The following EPHA3 variants were observed in gnomAD, a reference collection of about 807,000 sequenced individuals.
The protein encoded by EPHA3 is ephrin type-A receptor 3.
Under a neutral mutation model 107.1 loss-of-function variants are expected in EPHA3, and 42 were observed. That is an observed-to-expected ratio of 0.39 (90% confidence interval 0.31 to 0.51). The LOEUF (loss-of-function observed/expected upper bound fraction) is 0.51. Among genes scored for constraint, EPHA3 ranks in the 20% least tolerant of loss-of-function variants. The pLI, the probability that EPHA3 is intolerant of heterozygous loss-of-function variation, is 0.78. For missense variants in EPHA3, 1,183 were observed against 1,211.2 expected, an observed-to-expected ratio of 0.98 and a Z score of 0.35; for synonymous variants, 461 against 424.8, an observed-to-expected ratio of 1.09 and a Z score of -1.05.
At chr3:89,129,206 T>A (rs1704150257) in intron 2 of EPHA3, among the ~76,000 whole-genome samples, 1 of 152,224 alleles carries the variant, frequency 6.6e-6, no homozygotes, top group African/African-American at 2.4e-5. Context: ...AAATCTCTTA[T>A]AACTTCCACA....
rs71621548 is a variant in EPHA3 at position 89,415,467 on chromosome 3, A to AATATATAT, written c.1888+2219_1888+2226dup. On this transcript the variant is annotated intron_variant, in intron 10 of 16. Transcript: ENST00000336596. The stretch of plus-strand genomic sequence containing the variant: ...CAGAGTCAATTAAATTTACAGAAAG[A>AATATATAT]ATATATATATATATATATATATATA... Among the ~76,000 whole-genome samples the AATATATAT allele has an allele frequency of 7.2e-3, 942 of 131,594 alleles. 5 individuals carry two copies. The highest frequency in any genetic ancestry group is 0.013 in the African/African-American group (486 of 36,042). 86.3% of individuals were successfully genotyped at this position (131,594 alleles called of 152,430 possible). A position where few individuals can be genotyped will look rare whatever the true frequency, so the allele number is the denominator to read the frequency against.
chr3:89,240,480 A>G (rs1040881428), intron 3 of EPHA3, among the ~76,000 whole-genome samples: 3 of 152,134 alleles, frequency 2.0e-5, no homozygotes, highest in Non-Finnish European at 4.4e-5. Context: ...ATTACATTTC[A>G]TGACACATAT....
chr3:89,323,772 G>A (rs577230773), intron 3 of EPHA3, among the ~76,000 whole-genome samples: 1 of 152,088 alleles, frequency 6.6e-6, no homozygotes, highest in South Asian at 2.1e-4. Flanking sequence ...TAACGTGAAA[G>A]ATTTCTCCAG....
At chr3:89,355,183 A>G (rs1270953639) in intron 5 of EPHA3, among the ~76,000 whole-genome samples, 3 of 151,242 alleles carry the variant, frequency 2.0e-5, no homozygotes, top group Non-Finnish European at 3.0e-5. Context: ...AGGCAAGGCC[A>G]TGTGCCTGAG....
intron 3 of EPHA3, among the ~76,000 whole-genome samples, chr3:89,223,919 C>A (rs1704442249): frequency 6.6e-6 from 1 of 151,990 alleles, no homozygotes. Flanking sequence ...AATTTGTAAT[C>A]TTTCTAAGAT....
At chr3:89,171,650 T>G (rs1705211915) in intron 2 of EPHA3, among the ~76,000 whole-genome samples, 1 of 152,200 alleles carries the variant, frequency 6.6e-6, no homozygotes, top group South Asian at 2.1e-4. Flanking sequence ...GGGTACAACT[T>G]CAGAGCTTAT....
At chr3:89,265,154 C>T (rs1365998090) in intron 3 of EPHA3, among the ~76,000 whole-genome samples, 1 of 152,066 alleles carries the variant, frequency 6.6e-6, no homozygotes, top group Non-Finnish European at 1.5e-5. Context: ...TTGTTATTAT[C>T]ATCATTTTCT....
chr3:89,479,356 A>G (rs2107581283), intron 16 of EPHA3, 41 bp from the exon 17 acceptor site: 1 of 1,525,178 alleles, frequency 6.6e-7, no homozygotes, highest in Non-Finnish European at 9.1e-7. Flanking sequence ...CTTATACACT[A>G]TCGAGGAAAC....
intron 2 of EPHA3, among the ~76,000 whole-genome samples, chr3:89,161,560 C>T (rs1704942461): frequency 1.3e-5 from 2 of 151,866 alleles, no homozygotes; most frequent in Non-Finnish European, 2.9e-5. Flanking sequence ...TATGGATATA[C>T]CATGATTTAT....
At chr3:89,473,341 G>C (rs1278358516) in intron 16 of EPHA3, among the ~76,000 whole-genome samples, 4 of 152,158 alleles carry the variant, frequency 2.6e-5, no homozygotes, top group African/African-American at 9.7e-5. Context: ...TTGGGTAACA[G>C]GAATCTTTTG....
intron 5 of EPHA3, among the ~76,000 whole-genome samples, chr3:89,366,936 A>G (rs1708195352): frequency 6.6e-6 from 1 of 150,738 alleles, no homozygotes; most frequent in African/African-American, 2.4e-5. Context: ...AGCATGTCCC[A>G]TAGATTCCAC....
intron 3 of EPHA3, among the ~76,000 whole-genome samples, chr3:89,276,101 G>A (rs1705798816): frequency 6.6e-6 from 1 of 151,992 alleles, no homozygotes; most frequent in Non-Finnish European, 1.5e-5. Context: ...TTTTAAAATA[G>A]ATGCTCTCAA....
At position 89,113,485 on chromosome 3, in the gene EPHA3, C is replaced by CAAAAAAAAAAAAAA. The variant is rs753848304; in HGVS notation, c.88+5664_88+5677dup. On this transcript the variant is annotated intron_variant, in intron 1 of 16. Transcript: ENST00000336596. ...TTGCCTCCTACCAGCTTCCTTTGTACAAAAAAAAAAAAAAAAAAAAAAAAA... is the reference window on the plus strand; with the variant it reads ...TTGCCTCCTACCAGCTTCCTTTGTACAAAAAAAAAAAAAAAAAAAAAAAAAAAAAAAAAAAAAAA... Among the ~76,000 whole-genome samples, 52 of 31,100 alleles carry CAAAAAAAAAAAAAA rather than the reference C, an allele frequency of 1.7e-3. 13 individuals carry two copies. Among genetic ancestry groups the CAAAAAAAAAAAAAA allele is most frequent in the Admixed American group, 7.4e-3 (9 of 1,210 alleles). 20.4% of individuals were successfully genotyped at this position (31,100 alleles called of 152,430 possible).
Position 89,113,485 on chromosome 3 carries a change from C to CAAAAAAAAAAAAAAAAAA in EPHA3, c.88+5660_88+5677dup, listed in dbSNP as rs753848304. Among the ~76,000 whole-genome samples, 5 of 31,102 alleles carry CAAAAAAAAAAAAAAAAAA rather than the reference C, an allele frequency of 1.6e-4. No homozygotes were observed. The Admixed American group carries it at 2.5e-3, about 15-fold the overall frequency. 20.4% of individuals were successfully genotyped at this position (31,102 alleles called of 152,430 possible). ...TTGCCTCCTACCAGCTTCCTTTGTA[C>CAAAAAAAAAAAAAAAAAA]AAAAAAAAAAAAAAAAAAAAAAAAA... is the stretch of plus-strand genomic sequence containing the variant. On this transcript the variant is annotated intron_variant, in intron 1 of 16. Coordinates refer to ENST00000336596, the MANE Select transcript of EPHA3 (RefSeq NM_005233.6).
chr3:89,194,760 A>G (rs1439069866), intron 2 of EPHA3, among the ~76,000 whole-genome samples: 1 of 151,962 alleles, frequency 6.6e-6, no homozygotes, highest in Non-Finnish European at 1.5e-5. Flanking sequence ...CCTCTATAAT[A>G]CCTATACAGT....
chr3:89,133,816 G>A lies in EPHA3; in HGVS notation c.153+6543G>A, dbSNP rs182163504. Among the ~76,000 whole-genome samples the A allele has an allele frequency of 3.9e-5, 6 of 152,238 alleles. No individual in the cohort carries two copies. The East Asian group carries it at 1.2e-3, about 29-fold the overall frequency. ...CACCGGGCTTCAGAAAACTGCAGTG[G>A]ATCAGACCAGCAGCAGACCACCAAA... is the stretch of plus-strand genomic sequence containing the variant. On this transcript the variant is annotated intron_variant, in intron 2 of 16. Coordinates refer to ENST00000336596, the MANE Select transcript of EPHA3 (RefSeq NM_005233.6).
At position 89,291,701 on chromosome 3, in the gene EPHA3, G is replaced by T. The variant is rs1706209118; in HGVS notation, c.815-49215G>T. On this transcript the variant is annotated intron_variant, in intron 3 of 16. Coordinates refer to ENST00000336596, the MANE Select transcript of EPHA3 (RefSeq NM_005233.6). ...ACTGAGGGCCTTGAAGTGTGATGTT[G>T]CATGAGATTGTGTGTAAGGATCATT... 1.3e-5 allele frequency among the ~76,000 whole-genome samples: 2 copies of T among 152,116 alleles called. 1 individual carries two copies. The highest frequency in any genetic ancestry group is 4.1e-4 in the South Asian group (2 of 4,828).
intron 2 of EPHA3, among the ~76,000 whole-genome samples, chr3:89,149,430 C>T (rs1202028373): frequency 1.3e-5 from 2 of 151,880 alleles, no homozygotes; most frequent in African/African-American, 4.8e-5. Context: ...GTGTTCTTCC[C>T]TTCAAGTGCT....
chr3:89,479,518 T>A lies in EPHA3; in HGVS notation c.*16T>A, dbSNP rs1710585015. On this transcript the variant is annotated 3_prime_UTR_variant, in exon 17 of 17. Coordinates refer to ENST00000336596, the MANE Select transcript of EPHA3 (RefSeq NM_005233.6). ...TCCCGTGTAAAGCACGGGACGGAAG[T>A]GCTTCTGGACGGAAGTGGTGGCTGT... 6.2e-7 allele frequency: 1 copy of A among 1,602,450 alleles called. No individual in the cohort carries two copies. Among genetic ancestry groups the A allele is most frequent in the African/African-American group, 1.3e-5 (1 of 74,656 alleles).
Sources: gnomAD v4.1 joint callset for allele counts (sites outside exome capture counted in the v4.1 genomes callset) on GRCh38, gnomAD v4.1.1 for gene constraint, MANE v1.5 for transcripts, NCBI Gene and HGNC (gene_info 2026-07-23, HGNC 2026-07-21) for gene names.